NHERF2: variants seen among roughly 807,000 people sequenced by gnomAD.
NHERF2 encodes the protein Na(+)/H(+) exchange regulatory cofactor NHE-RF2.
At chr16:2,029,867 A>G in the NHERF2 span, 4 of 1,243,080 alleles carry the variant, frequency 3.2e-6, no homozygotes, top group African/African-American at 3.0e-5. Context: ...GCCTTTGGTC[A>G]CCTCCAGAAG....
the NHERF2 span, among the ~76,000 whole-genome samples, chr16:2,029,099 C>T: frequency 7.9e-5 from 12 of 152,182 alleles, no homozygotes; most frequent in South Asian, 2.1e-4. Context: ...CAGAGAATGA[C>T]GGGAATGGGC....
the NHERF2 span, chr16:2,029,846 C>T: frequency 5.3e-5 from 75 of 1,414,758 alleles, no homozygotes; most frequent in Non-Finnish European, 6.6e-5. Context: ...CAGCTTTTGA[C>T]GACGATCTTT....
At chr16:2,038,510 G>T in the NHERF2 span, 1 of 361,764 alleles carries the variant, frequency 2.8e-6, no homozygotes, top group South Asian at 2.0e-5. Flanking sequence ...CCTCCCCTCA[G>T]CAGCGGCCGT....
At chr16:2,036,869 G>A in the NHERF2 span, 13 of 1,610,258 alleles carry the variant, frequency 8.1e-6, no homozygotes, top group Non-Finnish European at 1.0e-5. Context: ...ACCCACCGAG[G>A]AGCACGTGGA....
the NHERF2 span, chr16:2,035,780 G>A: frequency 2.7e-6 from 2 of 731,742 alleles, no homozygotes; most frequent in Non-Finnish European, 3.3e-6. Flanking sequence ...CTAAGCTCCT[G>A]CCCCAGCCCC....
the NHERF2 span, chr16:2,038,217 GAGAC>G: frequency 1.7e-5 from 10 of 598,084 alleles, no homozygotes; most frequent in South Asian, 1.8e-4. Context: ...GTCAGAGACA[GAGAC>G]AGAGAGAGAG....
At chr16:2,037,930 G>A in the NHERF2 span, 2 of 1,613,168 alleles carry the variant, frequency 1.2e-6, no homozygotes, top group Non-Finnish European at 1.7e-6. Context: ...GAGTCAACAA[G>A]CGCGCGCCAC....
At chr16:2,036,057 T>A in the NHERF2 span, 1 of 486,252 alleles carries the variant, frequency 2.1e-6, no homozygotes, top group Non-Finnish European at 3.7e-6. Flanking sequence ...CACGCTGGCC[T>A]CGAGCCAAAG....
chr16:2,033,569 G>A, the NHERF2 span: 1 of 929,752 alleles, frequency 1.1e-6, no homozygotes. Context: ...TTCTCTGCCA[G>A]GGCTGGTGCG....
At chr16:2,030,232 C>T in the NHERF2 span, among the ~76,000 whole-genome samples, 2 of 152,212 alleles carry the variant, frequency 1.3e-5, no homozygotes, top group African/African-American at 4.8e-5. Flanking sequence ...GGCCGGCCTT[C>T]TCCACAGGCA....
At chr16:2,036,920 G>C in the NHERF2 span, 1 of 1,582,456 alleles carries the variant, frequency 6.3e-7, no homozygotes. Context: ...GTGCGGTGTG[G>C]TGGCTGAGCA....
At chr16:2,036,431 G>A in the NHERF2 span, 2 of 1,606,662 alleles carry the variant, frequency 1.2e-6, no homozygotes, top group Non-Finnish European at 8.5e-7. Flanking sequence ...GGCCCGGCCA[G>A]TACATCCGCT....
At chr16:2,027,078 C>T in the NHERF2 span, 4 of 1,453,544 alleles carry the variant, frequency 2.8e-6, no homozygotes, top group Non-Finnish European at 3.6e-6. Flanking sequence ...CGGCTTCCAC[C>T]TGCACGGCGA....
At chr16:2,037,312 A>C in the NHERF2 span, among the ~76,000 whole-genome samples, 1 of 152,024 alleles carries the variant, frequency 6.6e-6, no homozygotes, top group Admixed American at 6.5e-5. Context: ...CACGCCGGCC[A>C]TTCCTGCACC....
the NHERF2 span, chr16:2,038,399 G>C: frequency 5.4e-6 from 2 of 372,238 alleles, no homozygotes; most frequent in East Asian, 9.7e-5. Flanking sequence ...TAATACCAGA[G>C]ACCCCCCCCC....
the NHERF2 span, chr16:2,036,493 G>A: frequency 3.5e-5 from 55 of 1,588,030 alleles, no homozygotes; most frequent in East Asian, 2.5e-4. Flanking sequence ...GCCCAGGACC[G>A]GCTCATTGAG....
the NHERF2 span, chr16:2,027,326 C>A: frequency 7.2e-6 from 4 of 555,716 alleles, no homozygotes; most frequent in Admixed American, 4.7e-5. Flanking sequence ...GGGGAGGACG[C>A]GGACGTTGTC....
the NHERF2 span, among the ~76,000 whole-genome samples, chr16:2,028,649 G>A: frequency 6.6e-6 from 1 of 152,164 alleles, no homozygotes; most frequent in African/African-American, 2.4e-5. Flanking sequence ...GGGGAGAGAG[G>A]AGGGCTGGGG....
chr16:2,027,394 G>A, the NHERF2 span, among the ~76,000 whole-genome samples: 3 of 152,288 alleles, frequency 2.0e-5, no homozygotes, highest in East Asian at 3.9e-4. Context: ...GTCCTGCACG[G>A]GGGTGGGGGG....
Sources: allele counts gnomAD v4.1 joint callset (sites outside exome capture counted in the v4.1 genomes callset), GRCh38; gene constraint gnomAD v4.1.1; transcripts MANE v1.5; gene names NCBI Gene and HGNC (gene_info 2026-07-23, HGNC 2026-07-21).